Variants in ATP8A2 observed in about 807,000 individuals in gnomAD.
ATP8A2 encodes the protein ATPase phospholipid transporting 8A2, also known as phospholipid-transporting ATPase IB.
A neutral mutation model predicts 165.6 loss-of-function variants in ATP8A2; 100 were observed. That is an observed-to-expected ratio of 0.60 (90% confidence interval 0.51 to 0.71). The LOEUF (loss-of-function observed/expected upper bound fraction) is 0.71. ATP8A2 is among the 30% of genes least tolerant of loss of function. The pLI, the probability that ATP8A2 is intolerant of heterozygous loss-of-function variation, is 0.00. For missense variants in ATP8A2, 1,227 were observed against 1,479.5 expected (o/e 0.83, Z 2.80); for synonymous variants, 543 against 548.8 (o/e 0.99, Z 0.15).
intron 33 of ATP8A2, among the ~76,000 whole-genome samples, chr13:25,931,880 T>G (rs1954777342): frequency 6.6e-6 from 1 of 151,844 alleles, no homozygotes; most frequent in African/African-American, 2.4e-5. Context: ...AACCCCCGTC[T>G]CTACTAAAAA....
intron 27 of ATP8A2, among the ~76,000 whole-genome samples, chr13:25,818,086 G>C (rs1335663038): frequency 6.6e-6 from 1 of 152,116 alleles, no homozygotes; most frequent in African/African-American, 2.4e-5. Context: ...ACTTCTGATT[G>C]TCTGCTAGGC....
At chr13:25,423,181 C>G (rs1593286442) in intron 1 of ATP8A2, among the ~76,000 whole-genome samples, 1 of 152,184 alleles carries the variant, frequency 6.6e-6, no homozygotes, top group Non-Finnish European at 1.5e-5. Flanking sequence ...AGTGCTCTTT[C>G]TAGGCCTTTT....
chr13:25,916,045 A>C (rs537051354), intron 33 of ATP8A2, among the ~76,000 whole-genome samples: 215 of 152,324 alleles, frequency 1.4e-3, no homozygotes, highest in African/African-American at 4.9e-3. Context: ...CTTTATTAAC[A>C]TGAAGCCAGT....
At chr13:25,805,352 T>C (rs895228964) in intron 27 of ATP8A2, among the ~76,000 whole-genome samples, 1 of 151,840 alleles carries the variant, frequency 6.6e-6, no homozygotes, top group African/African-American at 2.4e-5. Flanking sequence ...CTATAAAAAA[T>C]GCAAAAATAC....
At chr13:25,972,061 G>A (rs992452001) in intron 35 of ATP8A2, among the ~76,000 whole-genome samples, 5 of 152,166 alleles carry the variant, frequency 3.3e-5, no homozygotes, top group African/African-American at 1.2e-4. Context: ...TTTTTCTTAG[G>A]AATGTAACCA....
chr13:25,414,291 A>G (rs2034069741), intron 1 of ATP8A2, among the ~76,000 whole-genome samples: 1 of 151,336 alleles, frequency 6.6e-6, no homozygotes, highest in Non-Finnish European at 1.5e-5. Flanking sequence ...CCCGGGTTCA[A>G]GCGATTTTCC....
intron 2 of ATP8A2, among the ~76,000 whole-genome samples, chr13:25,487,637 C>T (rs1477910787): frequency 6.6e-6 from 1 of 152,100 alleles, no homozygotes; most frequent in African/African-American, 2.4e-5. Context: ...CAAAAAAAAC[C>T]AGGTATTGTC....
chr13:25,634,663 C>T (rs1279567902), intron 24 of ATP8A2, among the ~76,000 whole-genome samples: 1 of 152,088 alleles, frequency 6.6e-6, no homozygotes, highest in African/African-American at 2.4e-5. Flanking sequence ...CTTAGTTTGT[C>T]TCTGCCATTG....
At chr13:25,900,683 C>G (rs1953715003) in intron 33 of ATP8A2, among the ~76,000 whole-genome samples, 1 of 152,128 alleles carries the variant, frequency 6.6e-6, no homozygotes, top group South Asian at 2.1e-4. Flanking sequence ...TCCAAGGTCT[C>G]CTTGGCCAAG....
chr13:25,439,344 A>AT (rs561426875), intron 1 of ATP8A2, among the ~76,000 whole-genome samples: 57 of 152,274 alleles, frequency 3.7e-4, no homozygotes, highest in African/African-American at 1.3e-3. Flanking sequence ...AAAGGACATC[A>AT]TGGAGCTTTG....
intron 33 of ATP8A2, among the ~76,000 whole-genome samples, chr13:25,890,803 CTG>C (rs1242311074): frequency 6.6e-6 from 1 of 152,128 alleles, no homozygotes; most frequent in Non-Finnish European, 1.5e-5. Flanking sequence ...AAAAACAAAG[CTG>C]TGTTTAAGTT....
intron 33 of ATP8A2, among the ~76,000 whole-genome samples, chr13:25,924,809 G>A (rs1304458762): frequency 6.6e-6 from 1 of 152,106 alleles, no homozygotes; most frequent in Non-Finnish European, 1.5e-5. Flanking sequence ...TTTTTCCCAT[G>A]CTGTTCTCAT....
At chr13:25,802,058 A>C (rs1322144283) in intron 27 of ATP8A2, among the ~76,000 whole-genome samples, 1 of 152,238 alleles carries the variant, frequency 6.6e-6, no homozygotes, top group African/African-American at 2.4e-5. Context: ...CTACAATTCA[A>C]GATGAGATTT....
intron 11 of ATP8A2, among the ~76,000 whole-genome samples, chr13:25,552,543 C>T (rs949821675): frequency 6.6e-6 from 1 of 152,126 alleles, no homozygotes; most frequent in Admixed American, 6.6e-5. Flanking sequence ...ATTATCATTA[C>T]TAGTGTCCTT....
At chr13:25,781,108 A>G (rs1008107166) in intron 27 of ATP8A2, among the ~76,000 whole-genome samples, 1 of 152,028 alleles carries the variant, frequency 6.6e-6, no homozygotes, top group Non-Finnish European at 1.5e-5. Context: ...AAAAAAACAC[A>G]AAAAATTAGC....
chr13:25,711,829 G>A (rs1314906311), intron 25 of ATP8A2, among the ~76,000 whole-genome samples: 1 of 152,168 alleles, frequency 6.6e-6, no homozygotes, highest in Non-Finnish European at 1.5e-5. Context: ...ATGTACTTGG[G>A]GATGGTGAGA....
chr13:25,704,057 G>A (rs1383218724), intron 25 of ATP8A2, among the ~76,000 whole-genome samples: 1 of 152,156 alleles, frequency 6.6e-6, no homozygotes, highest in Non-Finnish European at 1.5e-5. Context: ...TGAAATGTTT[G>A]TTGATTATAA....
At position 25,541,954 on chromosome 13, in the gene ATP8A2, A is replaced by C; in HGVS notation, c.687A>C (p.Glu229Asp). 6.2e-7 allele frequency: 1 copy of C among 1,614,118 alleles called. No homozygotes were observed. The highest frequency in any genetic ancestry group is 8.5e-7 in the Non-Finnish European group (1 of 1,179,988). ...ACACTGCTGACATGCAAACACGTGA[A>C]GTTCTGATGAAGTTATCTGGAACTA... The part of the protein sequence containing the change: ...LSHTADMQTR[E>D]VLMKLSGTIE... Residue 229 changes from glutamate to aspartate, a missense_variant, in exon 9 of 37, where the codon GAA becomes GAC. By Grantham distance (45) the Glu-to-Asp change is conservative. Transcript: ENST00000381655.
At chr13:25,666,385 G>T (rs116915706) in intron 24 of ATP8A2, among the ~76,000 whole-genome samples, 18,720 of 150,912 alleles carry the variant, frequency 0.12, 2,613 homozygotes, top group African/African-American at 0.33. Context: ...AATTTTTTGT[G>T]TGTGTGTGTG....
Sources: gnomAD v4.1 joint callset for allele counts (sites outside exome capture counted in the v4.1 genomes callset) on GRCh38, gnomAD v4.1.1 for gene constraint, MANE v1.5 for transcripts, NCBI Gene and HGNC (gene_info 2026-07-23, HGNC 2026-07-21) for gene names.